Variants in DLGAP1 observed in about 807,000 individuals in gnomAD.
The protein encoded by DLGAP1 is DLG associated protein 1.
In DLGAP1, 11 loss-of-function variants were observed where a neutral mutation model predicts 90.8. That is an observed-to-expected ratio of 0.12 (90% CI 0.08 to 0.20). The LOEUF is 0.20. Among genes scored for constraint, DLGAP1 ranks in the 10% least tolerant of loss-of-function variants. DLGAP1 has a pLI of 1.00. For missense variants in DLGAP1, 1,050 were observed against 1,333.8 expected (o/e 0.79, Z 3.31); for synonymous variants, 558 against 540.7 (o/e 1.03, Z -0.44).
intron 2 of DLGAP1, among the ~76,000 whole-genome samples, chr18:4,006,674 A>G (rs1017294441): frequency 6.9e-6 from 1 of 145,876 alleles, no homozygotes; most frequent in Non-Finnish European, 1.5e-5. Context: ...GAGACAGGGT[A>G]TTGCTCTGTC....
In DLGAP1 at chr18:3,943,091, C is replaced by A. The variant is rs528368462; in HGVS notation, c.-73+62025G>T. Among the ~76,000 whole-genome samples, 38 of 152,116 alleles carry A rather than the reference C, an allele frequency of 2.5e-4. 1 individual carries two copies. The highest frequency in any genetic ancestry group is 9.2e-4 in the African/African-American group (38 of 41,514). Reference sequence around the variant, plus strand: ...AATTGGTTACCATTTTCTTTGTGCTCTCCATTCGGTTCTCTATTTCACATG... The same window carrying A: ...AATTGGTTACCATTTTCTTTGTGCTATCCATTCGGTTCTCTATTTCACATG... On this transcript the variant is annotated intron_variant, in intron 3 of 12. Coordinates refer to ENST00000315677, the MANE Select transcript of DLGAP1 (RefSeq NM_004746.4).
intron 3 of DLGAP1, among the ~76,000 whole-genome samples, chr18:3,961,738 A>G (rs2148985141): frequency 1.3e-5 from 2 of 152,296 alleles, no homozygotes; most frequent in Middle Eastern, 6.8e-3. Flanking sequence ...GGGCCAACTG[A>G]CTGGGAATTC....
intron 4 of DLGAP1, among the ~76,000 whole-genome samples, chr18:3,877,124 C>G (rs2071024128): frequency 6.6e-6 from 1 of 152,054 alleles, no homozygotes; most frequent in Non-Finnish European, 1.5e-5. Flanking sequence ...TTATTACATT[C>G]AGTAATCTTG....
At chr18:3,568,859 T>C (rs1169030370) in intron 8 of DLGAP1, among the ~76,000 whole-genome samples, 1 of 151,986 alleles carries the variant, frequency 6.6e-6, no homozygotes, top group African/African-American at 2.4e-5. Flanking sequence ...GCTAATTTTT[T>C]ATATTTTTAG....
chr18:3,972,340 C>T (rs1002637624), intron 3 of DLGAP1, among the ~76,000 whole-genome samples: 3 of 151,940 alleles, frequency 2.0e-5, no homozygotes, highest in Non-Finnish European at 4.4e-5. Context: ...GGCAAAATTC[C>T]GTCTCTATTT....
At chr18:3,501,709 AAT>A (rs1807312170) in intron 12 of DLGAP1, among the ~76,000 whole-genome samples, 1 of 152,210 alleles carries the variant, frequency 6.6e-6, no homozygotes. Context: ...ATTCTCTTGG[AAT>A]TATTTGACCT....
intron 7 of DLGAP1, among the ~76,000 whole-genome samples, chr18:3,719,881 C>A (rs1006312729): frequency 9.9e-5 from 15 of 152,070 alleles, no homozygotes; most frequent in African/African-American, 3.6e-4. Context: ...GATGGACTCA[C>A]CAATTTTCAT....
intron 1 of DLGAP1, among the ~76,000 whole-genome samples, chr18:4,439,867 T>C (rs764807595): frequency 4.6e-5 from 7 of 151,766 alleles, no homozygotes; most frequent in Non-Finnish European, 7.4e-5. Context: ...GCCTGTAATC[T>C]CAGCACTTTG....
At chr18:3,709,487 T>C (rs1173289056) in intron 7 of DLGAP1, among the ~76,000 whole-genome samples, 1 of 152,080 alleles carries the variant, frequency 6.6e-6, no homozygotes, top group Non-Finnish European at 1.5e-5. Flanking sequence ...ACCAGTAGAG[T>C]TGAAAGTAAT....
intron 1 of DLGAP1, among the ~76,000 whole-genome samples, chr18:4,386,090 G>A (rs2144368204): frequency 6.6e-6 from 1 of 152,234 alleles, no homozygotes; most frequent in Non-Finnish European, 1.5e-5. Flanking sequence ...ATTTGAATGT[G>A]TTTGTGACAA....
intron 8 of DLGAP1, among the ~76,000 whole-genome samples, chr18:3,575,244 T>C (rs2055053564): frequency 6.6e-6 from 1 of 152,192 alleles, no homozygotes; most frequent in Admixed American, 6.6e-5. Context: ...TTAATATATA[T>C]CTGTACACTT....
At chr18:4,055,599 T>C (rs926189004) in intron 2 of DLGAP1, among the ~76,000 whole-genome samples, 1 of 152,170 alleles carries the variant, frequency 6.6e-6, no homozygotes, top group African/African-American at 2.4e-5. Context: ...TCCAGCTACA[T>C]CCATCTTGAG....
intron 4 of DLGAP1, among the ~76,000 whole-genome samples, chr18:3,817,715 G>A (rs1173030958): frequency 6.6e-6 from 1 of 152,176 alleles, no homozygotes; most frequent in Non-Finnish European, 1.5e-5. Flanking sequence ...AAGCATACCA[G>A]GCCCAAAGAG....
At chr18:3,648,129 G>A (rs180800458) in intron 7 of DLGAP1, among the ~76,000 whole-genome samples, 3 of 152,286 alleles carry the variant, frequency 2.0e-5, no homozygotes, top group Admixed American at 6.5e-5. Flanking sequence ...CACACATGTC[G>A]GTTAAAGCTA....
At chr18:3,534,137 C>A in intron 10 of DLGAP1, 57 bp downstream of exon 10, 7 of 1,559,062 alleles carry the variant, frequency 4.5e-6, no homozygotes, top group Non-Finnish European at 6.1e-6. Context: ...AAGGTCTGCA[C>A]ACACAAAGCA....
At chr18:3,640,043 G>C (rs566824320) in intron 7 of DLGAP1, among the ~76,000 whole-genome samples, 137 of 151,940 alleles carry the variant, frequency 9.0e-4, no homozygotes, top group Middle Eastern at 3.4e-3. Flanking sequence ...CGTGAGCCAC[G>C]GCACCCGGCC....
intron 8 of DLGAP1, among the ~76,000 whole-genome samples, chr18:3,569,372 A>C (rs1419613363): frequency 6.6e-6 from 1 of 151,828 alleles, no homozygotes; most frequent in African/African-American, 2.4e-5. Context: ...TCTCCTCCCT[A>C]ATTAGGCTGT....
At chr18:4,368,556 A>G (rs1412258957) in intron 1 of DLGAP1, among the ~76,000 whole-genome samples, 1 of 151,782 alleles carries the variant, frequency 6.6e-6, no homozygotes, top group South Asian at 2.1e-4. Context: ...TCTGCTGCCT[A>G]CTTGACCTTG....
At chr18:4,107,943 A>C (rs1235025264) in intron 2 of DLGAP1, among the ~76,000 whole-genome samples, 5 of 152,194 alleles carry the variant, frequency 3.3e-5, no homozygotes, top group Admixed American at 3.3e-4. Flanking sequence ...AAATCTATAG[A>C]TGGGGTGCAG....
Sources: allele counts gnomAD v4.1 joint callset (sites outside exome capture counted in the v4.1 genomes callset), GRCh38; gene constraint gnomAD v4.1.1; transcripts MANE v1.5; gene names NCBI Gene and HGNC (gene_info 2026-07-23, HGNC 2026-07-21).